The following CTNNAL1 variants were observed in gnomAD, a reference collection of about 807,000 sequenced individuals.
CTNNAL1 encodes catenin alpha like 1, also known as alpha-catulin.
Under a neutral mutation model 93.6 loss-of-function variants are expected in CTNNAL1, and 69 were observed. The ratio of observed to expected loss-of-function variants is 0.74; its 90% CI spans 0.61 to 0.90. CTNNAL1 has a LOEUF of 0.90. Among genes scored for constraint, CTNNAL1 ranks in the 40% least tolerant of loss-of-function variants. The probability of loss-of-function intolerance (pLI) is 0.00; values close to 1 mark genes in which losing one functional copy is unlikely to be tolerated. For missense variants in CTNNAL1, 836 were observed against 862.0 expected, an observed-to-expected ratio of 0.97 and a Z score of 0.38; for synonymous variants, 286 against 305.4, an observed-to-expected ratio of 0.94 and a Z score of 0.66.
rs1220035978 is a variant in CTNNAL1 at position 108,943,750 on chromosome 9, G to T, written c.2008C>A (p.Leu670Ile). 5 of 1,613,852 alleles carry T rather than the reference G, an allele frequency of 3.1e-6. No individual in the cohort carries two copies. Among genetic ancestry groups the T allele is most frequent in the Non-Finnish European group, 4.2e-6 (5 of 1,179,876 alleles). ...INKLIPLCHQLQTVTKTSLQN... is the reference protein window; with the variant it reads ...INKLIPLCHQIQTVTKTSLQN... ...AAAGAAGTCTTAGTTACTGTCTGGA[G>T]CTGGTGGCATAGAGGAATTAGCTTG... The change falls in exon 17 of 19, where the codon CTC becomes ATC. Residue 670 changes from leucine (L) to isoleucine (I), a missense_variant. Transcript: ENST00000325551.
intron 10 of CTNNAL1, among the ~76,000 whole-genome samples, chr9:108,966,490 C>T (rs942635784): frequency 6.6e-5 from 10 of 152,184 alleles, no homozygotes; most frequent in African/African-American, 2.2e-4. Flanking sequence ...AAACCTCCCT[C>T]GTGCCCCTCA....
chr9:108,999,598 G>A lies in CTNNAL1; in HGVS notation c.142-342C>T, dbSNP rs370092367. ...ACATTCAGAAAGCCAAAGTACTTCA[G>A]GTCTAGTTTCCTCTACTACGACTTC... is the stretch of plus-strand genomic sequence containing the variant. On this transcript the variant is annotated intron_variant, in intron 1 of 18. Transcript: ENST00000325551. Among the ~76,000 whole-genome samples the A allele has an allele frequency of 3.2e-4, 48 of 152,302 alleles. No homozygotes were observed. In the South Asian group the frequency reaches 9.5e-3, roughly 30 times the overall value.
At chr9:108,950,973 T>A (rs934254195) in intron 14 of CTNNAL1, among the ~76,000 whole-genome samples, 1 of 152,124 alleles carries the variant, frequency 6.6e-6, no homozygotes, top group African/African-American at 2.4e-5. Context: ...ATTTTTCATT[T>A]TGTTCAAAAC....
intron 4 of CTNNAL1, among the ~76,000 whole-genome samples, chr9:108,985,052 G>A (rs1831565813): frequency 6.6e-6 from 1 of 152,092 alleles, no homozygotes; most frequent in Non-Finnish European, 1.5e-5. Context: ...TTTGGTGGGG[G>A]GTGACTTCTC....
intron 1 of CTNNAL1, among the ~76,000 whole-genome samples, chr9:109,010,570 T>C (rs1390663075): frequency 6.6e-6 from 1 of 152,222 alleles, no homozygotes; most frequent in Admixed American, 6.5e-5. Context: ...CTAACACTAG[T>C]TCCCTAAGTG....
At chr9:108,972,864 G>GCGGGCCCCCCCCC in intron 8 of CTNNAL1, 31 bp from the exon 9 acceptor site, 1 of 142,590 alleles carries the variant, frequency 7.0e-6, no homozygotes, top group Non-Finnish European at 1.0e-5. Context: ...GGGGGGGTGG[G>GCGGGCCCCCCCCC]AGGGTGGAGA....
intron 1 of CTNNAL1, among the ~76,000 whole-genome samples, chr9:109,010,487 T>G (rs1343684327): frequency 6.6e-6 from 1 of 152,234 alleles, no homozygotes; most frequent in East Asian, 1.9e-4. Context: ...ATGTTTATTT[T>G]AAATTTGACT....
At chr9:108,950,063 A>G (rs1372920207) in intron 14 of CTNNAL1, among the ~76,000 whole-genome samples, 1 of 151,804 alleles carries the variant, frequency 6.6e-6, no homozygotes, top group South Asian at 2.1e-4. Flanking sequence ...CTATTGATGA[A>G]CCCTTCATTT....
At chr9:108,972,868 G>GGGCCCCCCCGGGT in intron 8 of CTNNAL1, 35 bp from the exon 9 acceptor site, 2 of 1,092,790 alleles carry the variant, frequency 1.8e-6, no homozygotes, top group African/African-American at 1.7e-5. Context: ...GGGTGGGAGG[G>GGGCCCCCCCGGGT]TGGAGAAGGA....
intron 10 of CTNNAL1, among the ~76,000 whole-genome samples, chr9:108,966,521 C>G (rs1830957699): frequency 6.6e-6 from 1 of 152,106 alleles, no homozygotes; most frequent in Non-Finnish European, 1.5e-5. Context: ...CCTTCCACAT[C>G]TGATGGTTCA....
rs1206342693 is a variant in CTNNAL1 at position 108,979,483 on chromosome 9, T to G, written c.901-2A>C. 1 of 1,613,448 alleles carries G rather than the reference T, an allele frequency of 6.2e-7. No homozygotes were observed. Among genetic ancestry groups the G allele is most frequent in the East Asian group, 2.2e-5 (1 of 44,838 alleles). The stretch of plus-strand genomic sequence containing the variant: ...CTCCCGAAGAGCTTCAATATTCATC[T>G]GAGAACAAAAAGGACATCTATCCAT... On this transcript the variant is annotated splice_acceptor_variant, in intron 6 of 18. Transcript: ENST00000325551. LOFTEE classifies it high-confidence loss of function.
At chr9:109,006,174 C>T (rs543643726) in intron 1 of CTNNAL1, among the ~76,000 whole-genome samples, 256 of 152,282 alleles carry the variant, frequency 1.7e-3, no homozygotes, top group African/African-American at 6.0e-3. Context: ...TTGTTTTGTA[C>T]ATATAGATAC....
chr9:108,992,631 C>T lies in CTNNAL1; in HGVS notation c.519+1G>A, dbSNP rs1831854254. 1 of 1,605,718 alleles carries T rather than the reference C, an allele frequency of 6.2e-7. No homozygotes were observed. The highest frequency in any genetic ancestry group is 8.5e-7 in the Non-Finnish European group (1 of 1,176,446). ...TACAGCAACATCAGAAAGGTAAGTA[C>T]CTTATTTCTTGATGTTATTATCTGT... On this transcript the variant is annotated splice_donor_variant, in intron 3 of 18. Transcript: ENST00000325551. LOFTEE classifies it high-confidence loss of function.
intron 8 of CTNNAL1, 31 bp from the exon 9 acceptor site, chr9:108,972,864 G>GGGGGCCCCT: frequency 7.0e-6 from 1 of 142,584 alleles, no homozygotes; most frequent in Non-Finnish European, 1.0e-5. Context: ...GGGGGGGTGG[G>GGGGGCCCCT]AGGGTGGAGA....
chr9:108,950,648 G>T, intron 14 of CTNNAL1: 1 of 1,538,928 alleles, frequency 6.5e-7, no homozygotes. Context: ...ACTTCTGTCT[G>T]CTGCCTCACC....
intron 14 of CTNNAL1, among the ~76,000 whole-genome samples, chr9:108,951,495 C>G (rs527635015): frequency 6.6e-6 from 1 of 152,068 alleles, no homozygotes; most frequent in African/African-American, 2.4e-5. Flanking sequence ...AAGTATTTCC[C>G]AGGTTTCCAA....
chr9:108,988,474 C>T (rs1007649786), intron 4 of CTNNAL1, among the ~76,000 whole-genome samples: 3 of 152,202 alleles, frequency 2.0e-5, no homozygotes, highest in African/African-American at 7.2e-5. Context: ...CTCCCTGCCT[C>T]TGCCCTTGTC....
Position 108,984,359 on chromosome 9 carries a change from G to T in CTNNAL1, c.717C>A (p.Leu239=). The change falls in exon 5 of 19, where the codon CTC becomes CTA. Residue 239 remains leucine, a synonymous_variant. Transcript: ENST00000325551. ...AVLEKCTMML[L]TASKTCLRHP... ...AAAATTGTCTTACCTTTGAAGCTGT[G>T]AGAAGCATCATTGTACACTTTTCAA... 6.2e-7 allele frequency: 1 copy of T among 1,603,968 alleles called. No individual in the cohort carries two copies. Among genetic ancestry groups the T allele is most frequent in the Non-Finnish European group, 8.5e-7 (1 of 1,172,028 alleles).
intron 11 of CTNNAL1, among the ~76,000 whole-genome samples, chr9:108,962,271 A>G (rs1830837527): frequency 6.6e-6 from 1 of 152,188 alleles, no homozygotes; most frequent in African/African-American, 2.4e-5. Flanking sequence ...GATGGCAGCT[A>G]CTATTATTTT....
Sources: allele counts gnomAD v4.1 joint callset (sites outside exome capture counted in the v4.1 genomes callset), GRCh38; gene constraint gnomAD v4.1.1; transcripts MANE v1.5; gene names NCBI Gene and HGNC (gene_info 2026-07-23, HGNC 2026-07-21).